Variants in FSTL5 observed in about 807,000 individuals in gnomAD.
FSTL5 encodes follistatin-related protein 5.
A neutral mutation model predicts 89.1 loss-of-function variants in FSTL5; 62 were observed. The observed-to-expected ratio is 0.70, with a 90% CI of 0.57 to 0.86. The LOEUF (loss-of-function observed/expected upper bound fraction) is 0.86, where lower values mean the gene tolerates loss of function less well. Among genes scored for constraint, FSTL5 ranks in the 40% least tolerant of loss-of-function variants. The pLI, the probability that FSTL5 is intolerant of heterozygous loss-of-function variation, is 0.00. For synonymous variants in FSTL5, 383 were observed against 346.2 expected (o/e 1.11, Z -1.18); for missense variants, 1,057 against 1,001.6 (o/e 1.06, Z -0.75).
At chr4:161,665,110 T>C (rs1736840678) in intron 6 of FSTL5, among the ~76,000 whole-genome samples, 1 of 152,174 alleles carries the variant, frequency 6.6e-6, no homozygotes, top group South Asian at 2.1e-4. Flanking sequence ...AACAATGAAA[T>C]TAAAGAAAAT....
intron 15 of FSTL5, among the ~76,000 whole-genome samples, chr4:161,432,760 T>C (rs1174768751): frequency 1.3e-5 from 2 of 151,896 alleles, no homozygotes; most frequent in Non-Finnish European, 2.9e-5. Flanking sequence ...TTAGAACTGA[T>C]AGCACAGAAA....
chr4:161,960,333 A>T (rs2110978067), intron 3 of FSTL5, among the ~76,000 whole-genome samples: 1 of 149,264 alleles, frequency 6.7e-6, no homozygotes, highest in Admixed American at 6.7e-5. Flanking sequence ...TGCCCAGCTA[A>T]TTTTTTTTTT....
intron 7 of FSTL5, among the ~76,000 whole-genome samples, chr4:161,610,991 T>C (rs1389048301): frequency 2.0e-5 from 3 of 151,612 alleles, no homozygotes; most frequent in Admixed American, 2.0e-4. Context: ...TTATAGAACA[T>C]GGATATATAA....
At chr4:162,068,731 A>C (rs1561001891) in intron 2 of FSTL5, among the ~76,000 whole-genome samples, 1 of 152,166 alleles carries the variant, frequency 6.6e-6, no homozygotes, top group African/African-American at 2.4e-5. Flanking sequence ...GCTTATGTAC[A>C]GCAAAAGAAA....
intron 8 of FSTL5, among the ~76,000 whole-genome samples, chr4:161,577,291 T>C (rs1438510312): frequency 6.6e-6 from 1 of 152,092 alleles, no homozygotes; most frequent in African/African-American, 2.4e-5. Flanking sequence ...CTCTAACCCA[T>C]ACAACTTTAA....
At chr4:161,993,137 T>G (rs1030705564) in intron 3 of FSTL5, among the ~76,000 whole-genome samples, 16 of 151,122 alleles carry the variant, frequency 1.1e-4, no homozygotes, top group Non-Finnish European at 1.8e-4. Flanking sequence ...AAAAATATAT[T>G]TATTTGTCAA....
At chr4:161,497,726 T>A (rs1191421802) in intron 12 of FSTL5, among the ~76,000 whole-genome samples, 2 of 152,070 alleles carry the variant, frequency 1.3e-5, no homozygotes, top group Non-Finnish European at 2.9e-5. Context: ...ACATGCAATA[T>A]GACTGTAGAT....
chr4:162,160,242 G>A (rs148671291), intron 1 of FSTL5, among the ~76,000 whole-genome samples: 123 of 151,768 alleles, frequency 8.1e-4, no homozygotes, highest in African/African-American at 2.5e-3. Context: ...TCAAAACATG[G>A]TCCCATCCAT....
intron 12 of FSTL5, among the ~76,000 whole-genome samples, chr4:161,486,741 A>G (rs1729694650): frequency 6.6e-6 from 1 of 152,198 alleles, no homozygotes; most frequent in Non-Finnish European, 1.5e-5. Context: ...CCGTCAACAC[A>G]GTCTTCTGTT....
rs1188079439 is a variant in FSTL5, at chr4:161,384,652, A to T, written c.*1095T>A. 1 of 152,138 alleles carries T rather than the reference A, an allele frequency of 6.6e-6. No individual in the cohort carries two copies. The highest frequency in any genetic ancestry group is 6.6e-5 in the Admixed American group (1 of 15,260). 9.4% of individuals were successfully genotyped at this position (152,138 alleles called of 1,614,324 possible). On this transcript the variant is annotated 3_prime_UTR_variant, in exon 16 of 16. Coordinates refer to ENST00000306100, the MANE Select transcript of FSTL5 (RefSeq NM_020116.5). ...TGATACATTATATTTAAATAGCAAAAACAATGGAGTACTACATTTTTACTT... is the reference window on the plus strand; with the variant it reads ...TGATACATTATATTTAAATAGCAAATACAATGGAGTACTACATTTTTACTT...
At chr4:161,639,199 T>A (rs571264132) in intron 7 of FSTL5, among the ~76,000 whole-genome samples, 2 of 151,674 alleles carry the variant, frequency 1.3e-5, no homozygotes, top group African/African-American at 4.9e-5. Context: ...AAAAAAAAAA[T>A]TGGAGCAGAT....
chr4:162,149,283 A>C (rs1733130941), intron 1 of FSTL5, among the ~76,000 whole-genome samples: 1 of 152,008 alleles, frequency 6.6e-6, no homozygotes, highest in Admixed American at 6.6e-5. Flanking sequence ...TCAAGCCTGT[A>C]ATCCAGGCTG....
intron 4 of FSTL5, among the ~76,000 whole-genome samples, chr4:161,808,415 G>A (rs1730036024): frequency 6.6e-6 from 1 of 152,024 alleles, no homozygotes; most frequent in African/African-American, 2.4e-5. Flanking sequence ...ATTCACAAAT[G>A]CCAAAACAGG....
At chr4:161,705,831 G>C (rs931401226) in intron 6 of FSTL5, among the ~76,000 whole-genome samples, 3 of 149,058 alleles carry the variant, frequency 2.0e-5, no homozygotes, top group Admixed American at 6.7e-5. Flanking sequence ...AGGTAAACTT[G>C]GGAGGATCAC....
chr4:161,976,952 G>A (rs1735668706), intron 3 of FSTL5, among the ~76,000 whole-genome samples: 1 of 152,130 alleles, frequency 6.6e-6, no homozygotes, highest in Non-Finnish European at 1.5e-5. Context: ...GAACTGCACG[G>A]CATCTTTTCT....
chr4:162,146,126 G>A (rs1459171591), intron 1 of FSTL5, among the ~76,000 whole-genome samples: 1 of 151,978 alleles, frequency 6.6e-6, no homozygotes, highest in Non-Finnish European at 1.5e-5. Context: ...AGTGATTTTT[G>A]TGGAACCTAA....
At chr4:162,078,681 C>A (rs760065334) in intron 2 of FSTL5, among the ~76,000 whole-genome samples, 1 of 151,764 alleles carries the variant, frequency 6.6e-6, no homozygotes, top group Non-Finnish European at 1.5e-5. Flanking sequence ...GATCAAAGAA[C>A]CTTTTCATTG....
At chr4:162,108,919 A>G (rs1731332951) in intron 2 of FSTL5, among the ~76,000 whole-genome samples, 1 of 152,068 alleles carries the variant, frequency 6.6e-6, no homozygotes, top group South Asian at 2.1e-4. Context: ...ATTTTGGAGC[A>G]AGATGAAAAG....
chr4:162,129,840 T>C (rs966330229), intron 1 of FSTL5, among the ~76,000 whole-genome samples: 22 of 152,328 alleles, frequency 1.4e-4, no homozygotes, highest in African/African-American at 5.3e-4. Flanking sequence ...GAAATATCTA[T>C]AATATGAAGG....
Sources: allele counts gnomAD v4.1 joint callset (sites outside exome capture counted in the v4.1 genomes callset), GRCh38; gene constraint gnomAD v4.1.1; transcripts MANE v1.5; gene names NCBI Gene and HGNC (gene_info 2026-07-23, HGNC 2026-07-21).